PRPF6: variants seen among roughly 807,000 people sequenced by gnomAD.
PRPF6 encodes the protein pre-mRNA-processing factor 6.
In PRPF6, 42 loss-of-function variants were observed where a neutral mutation model predicts 118.3. That is an observed-to-expected ratio of 0.35 (90% CI 0.28 to 0.46). PRPF6 has a LOEUF of 0.46. PRPF6 is among the 20% of genes least tolerant of loss of function. The pLI is 1.00. For missense variants in PRPF6, 662 were observed against 1,255.7 expected, an observed-to-expected ratio of 0.53 and a Z score of 7.15; for synonymous variants, 481 against 485.1, an observed-to-expected ratio of 0.99 and a Z score of 0.11.
At chr20:64,016,601 C>T in intron 11 of PRPF6, 122 bp from the exon 12 acceptor site, 1 of 1,259,428 alleles carries the variant, frequency 7.9e-7, no homozygotes, top group Non-Finnish European at 1.1e-6. Context: ...CCCCAGTAGG[C>T]AGTGTCAGCA....
In PRPF6 at chr20:64,022,867, C is replaced by T. The variant is rs772355749; in HGVS notation, c.1758C>T (p.Asn586=). The change falls in exon 13 of 21, where the codon AAC becomes AAT. Residue 586 remains asparagine, a synonymous_variant. Transcript: ENST00000266079. The part of the protein sequence containing the change: ...VWLRAAYFEK[N]HGTRESLEAL... ...TGCGCGCCGCGTACTTCGAGAAGAA[C>T]CATGGCACTCGGTATGTGGTGGGAC... is the stretch of plus-strand genomic sequence containing the variant. 1 of 1,614,054 alleles carries T rather than the reference C, an allele frequency of 6.2e-7. No homozygotes were observed. The highest frequency in any genetic ancestry group is 1.7e-5 in the Admixed American group (1 of 60,018).
At chr20:64,022,993 T>C (rs2123087314) in intron 13 of PRPF6, 115 bp downstream of exon 13, 3 of 1,502,806 alleles carry the variant, frequency 2.0e-6, no homozygotes, top group Non-Finnish European at 2.7e-6. Flanking sequence ...CCATTTGAGG[T>C]CTGGCCCTCT....
At position 64,027,050 on chromosome 20, in the gene PRPF6, G is replaced by A; in HGVS notation, c.2097G>A (p.Glu699=). 6.2e-7 allele frequency: 1 copy of A among 1,614,078 alleles called. No individual in the cohort carries two copies. The highest frequency in any genetic ancestry group is 8.5e-7 in the Non-Finnish European group (1 of 1,180,038). The change falls in exon 16 of 21, where the codon GAG becomes GAA. Residue 699 remains glutamate, a synonymous_variant. Transcript: ENST00000266079. The surrounding 1 kb of genome is among the most constrained non-coding windows in gnomAD (Gnocchi z 6.5). ...TCAGGGCAGCCCAAGATCTGTGCGA[G>A]GAGGCCCTGCGGCACTATGAGGACT... The part of the protein sequence containing the change: ...DNIRAAQDLC[E]EALRHYEDFP...
chr20:64,007,883 T>C (rs1268578569), intron 9 of PRPF6, among the ~76,000 whole-genome samples: 1 of 152,106 alleles, frequency 6.6e-6, no homozygotes, highest in African/African-American at 2.4e-5. Context: ...TTCAAGCGAT[T>C]CTCCTGCCTC....
chr20:63,985,348 C>CAAAAA (rs112094687), intron 3 of PRPF6, among the ~76,000 whole-genome samples: 1 of 135,638 alleles, frequency 7.4e-6, no homozygotes, highest in African/African-American at 2.7e-5. Context: ...GACCCTGTCT[C>CAAAAA]AAAAAAAAAA....
chr20:64,011,744 C>T lies in PRPF6; in HGVS notation c.1524+241C>T, dbSNP rs2059218251. Among the ~76,000 whole-genome samples the T allele has an allele frequency of 6.6e-6, 1 of 152,220 alleles. No homozygotes were observed. Among genetic ancestry groups the T allele is most frequent in the African/African-American group, 2.4e-5 (1 of 41,456 alleles). On this transcript the variant is annotated intron_variant, in intron 11 of 20. Coordinates refer to ENST00000266079, the MANE Select transcript of PRPF6 (RefSeq NM_012469.4). The surrounding 1 kb of genome is among the most constrained non-coding windows in gnomAD (Gnocchi z 6.7). ...AGAAGCCCTTTCAGTGTGTGCACACCTGACTGCATTTCTTTGCTAGTAGAA... is the reference window on the plus strand; with the variant it reads ...AGAAGCCCTTTCAGTGTGTGCACACTTGACTGCATTTCTTTGCTAGTAGAA...
At chr20:64,020,289 G>A (rs1407525590) in intron 12 of PRPF6, among the ~76,000 whole-genome samples, 5 of 152,114 alleles carry the variant, frequency 3.3e-5, no homozygotes, top group African/African-American at 1.2e-4. Context: ...GGTGGCAGGC[G>A]CTTGTAATCC....
chr20:64,014,807 T>G (rs1051437598), intron 11 of PRPF6, among the ~76,000 whole-genome samples: 18 of 152,262 alleles, frequency 1.2e-4, no homozygotes, highest in Admixed American at 6.5e-5. Flanking sequence ...CGTAAAGTGT[T>G]GAATAACTCA....
Position 64,028,353 on chromosome 20 carries a change from G to T in PRPF6, c.2340-125G>T. On this transcript the variant is annotated intron_variant, in intron 17 of 20. Coordinates refer to ENST00000266079, the MANE Select transcript of PRPF6 (RefSeq NM_012469.4). This position sits in a 1 kb window ranked among gnomAD's most constrained non-coding sequence, Gnocchi z 6.5. ...TCTGTGGTGGATGAGCTCTGCTGTG[G>T]AGGGAATGGAGTTTTTGCTGCTGTG... The T allele has an allele frequency of 1.0e-6, 1 of 961,524 alleles. No individual in the cohort carries two copies. The highest frequency in any genetic ancestry group is 1.7e-6 in the Non-Finnish European group (1 of 605,424). The allele number at this position is 961,524 out of a possible 1,614,324, so 59.6% of individuals were successfully genotyped here.
chr20:63,998,031 T>G (rs1409178868), intron 6 of PRPF6, among the ~76,000 whole-genome samples: 1 of 152,226 alleles, frequency 6.6e-6, no homozygotes, highest in Non-Finnish European at 1.5e-5. Context: ...AATGCTGCTG[T>G]GAATACGGGT....
chr20:64,023,937 C>T (rs371617275), intron 13 of PRPF6, among the ~76,000 whole-genome samples: 4 of 152,154 alleles, frequency 2.6e-5, no homozygotes, highest in Admixed American at 1.3e-4. Context: ...CTGGAGAGCA[C>T]GGTTGCTTTG....
chr20:64,017,165 A>G (rs2123067566), intron 12 of PRPF6, among the ~76,000 whole-genome samples: 1 of 152,288 alleles, frequency 6.6e-6, no homozygotes, highest in African/African-American at 2.4e-5. Context: ...GATGGTCTTA[A>G]TCTCCTGACC....
rs908839363 is a variant in PRPF6, at chr20:64,011,865, G to A, written c.1524+362G>A. 1.5e-5 allele frequency among the ~76,000 whole-genome samples: 1 copy of A among 67,358 alleles called. No individual in the cohort carries two copies. The highest frequency in any genetic ancestry group is 1.5e-4 in the Admixed American group (1 of 6,602). The allele number at this position is 67,358 out of a possible 152,430, so 44.2% of individuals were successfully genotyped here. A position where few individuals can be genotyped will look rare whatever the true frequency, so the allele number is the denominator to read the frequency against. ...ACGAGAGGAGGACAGGAAGTCTCAC[G>A]GCTTCTTTCTTTGCTAGTAGAAATG... is the stretch of plus-strand genomic sequence containing the variant. On this transcript the variant is annotated intron_variant, in intron 11 of 20. Transcript: ENST00000266079. This position sits in a 1 kb window ranked among gnomAD's most constrained non-coding sequence, Gnocchi z 6.7.
intron 11 of PRPF6, among the ~76,000 whole-genome samples, chr20:64,014,875 G>A (rs2059230296): frequency 6.6e-6 from 1 of 152,192 alleles, no homozygotes. Context: ...TTGAGTCAAA[G>A]TATTGCTTCT....
In PRPF6 at chr20:64,032,232, C is replaced by T. The variant is rs1025917770; in HGVS notation, c.2673+188C>T. ...ACAAGGCAGTCTCTGCCTCCACATC[C>T]GTTTTCTGGTTATAGCCTCACAGCT... On this transcript the variant is annotated intron_variant, in intron 20 of 20. Coordinates refer to ENST00000266079, the MANE Select transcript of PRPF6 (RefSeq NM_012469.4). Among the ~76,000 whole-genome samples the T allele has an allele frequency of 5.9e-5, 9 of 152,220 alleles. No homozygotes were observed. In the East Asian group the frequency reaches 1.2e-3, roughly 20 times the overall value.
At chr20:64,010,533 C>T (rs1027218486) in intron 10 of PRPF6, among the ~76,000 whole-genome samples, 4 of 152,198 alleles carry the variant, frequency 2.6e-5, no homozygotes, top group Admixed American at 6.5e-5. Flanking sequence ...TCTTAATGGA[C>T]GTGCAGGGAG....
intron 12 of PRPF6, among the ~76,000 whole-genome samples, chr20:64,021,868 C>G (rs927558694): frequency 1.3e-5 from 2 of 148,160 alleles, no homozygotes; most frequent in African/African-American, 5.1e-5. Context: ...TATGCATGTG[C>G]CTCGGCCACA....
chr20:63,995,600 C>T (rs1039809558), intron 6 of PRPF6, 118 bp downstream of exon 6: 4 of 1,137,504 alleles, frequency 3.5e-6, no homozygotes, highest in Non-Finnish European at 5.0e-6. Flanking sequence ...CCTCCTCCTC[C>T]TTCTTCTCCT....
At chr20:63,994,316 C>A (rs1469383463) in intron 4 of PRPF6, among the ~76,000 whole-genome samples, 3 of 152,074 alleles carry the variant, frequency 2.0e-5, no homozygotes, top group Non-Finnish European at 4.4e-5. Flanking sequence ...TGCCACCATG[C>A]CCGGCTAATT....
Sources: allele counts gnomAD v4.1 joint callset (sites outside exome capture counted in the v4.1 genomes callset), GRCh38; gene constraint gnomAD v4.1.1; non-coding constraint Gnocchi (gnomAD v3.1); transcripts MANE v1.5; gene names NCBI Gene and HGNC (gene_info 2026-07-23, HGNC 2026-07-21).